SUMF1: variants seen among roughly 807,000 people sequenced by gnomAD.
The protein encoded by SUMF1 is formylglycine-generating enzyme.
SUMF1 carries 48 observed loss-of-function variants against 47.6 expected under a neutral mutation model. That is an observed-to-expected ratio of 1.01 (90% CI 0.80 to 1.28). The LOEUF (loss-of-function observed/expected upper bound fraction) is 1.28, where lower values mean the gene tolerates loss of function less well. Among genes scored for constraint, SUMF1 ranks in the 50% most tolerant of loss-of-function variants. The pLI, the probability that SUMF1 is intolerant of heterozygous loss-of-function variation, is 0.00. For missense variants in SUMF1, 571 were observed against 485.4 expected (o/e 1.18, Z -1.66); for synonymous variants, 230 against 192.1 (o/e 1.20, Z -1.63).
chr3:4,216,042 T>G (rs1407859315), intron 8 of SUMF1, among the ~76,000 whole-genome samples: 1 of 152,140 alleles, frequency 6.6e-6, no homozygotes, highest in Non-Finnish European at 1.5e-5. Context: ...AAAAACTACC[T>G]TAAACTTCAT....
At chr3:4,065,293 TC>T (rs1695350846) in intron 9 of SUMF1, among the ~76,000 whole-genome samples, 1 of 152,092 alleles carries the variant, frequency 6.6e-6, no homozygotes, top group Non-Finnish European at 1.5e-5. Context: ...TACCTATGCT[TC>T]ACTGGGCTAG....
intron 1 of SUMF1, among the ~76,000 whole-genome samples, chr3:4,462,837 G>T (rs1035948114): frequency 6.6e-6 from 1 of 152,164 alleles, no homozygotes; most frequent in African/African-American, 2.4e-5. Flanking sequence ...TCACCCTCCT[G>T]CCTCTACAGA....
rs188080825 is a variant in SUMF1 at position 4,345,282 on chromosome 3, C to G, written c.1014+31048G>C. Among the ~76,000 whole-genome samples the G allele has an allele frequency of 4.8e-3, 733 of 152,218 alleles. 7 individuals are homozygous for G. Among genetic ancestry groups the G allele is most frequent in the African/African-American group, 0.017 (707 of 41,532 alleles). On this transcript the variant is annotated intron_variant and NMD_transcript_variant, in intron 8 of 12. Coordinates refer to the SUMF1 transcript ENST00000448413. Reference sequence around the variant, plus strand: ...GGAAAAAATGTTAAGGGCAGCCAGACAGAAAGGTCAGGTTACCCACAAAGG... The same window carrying G: ...GGAAAAAATGTTAAGGGCAGCCAGAGAGAAAGGTCAGGTTACCCACAAAGG...
At chr3:4,462,558 A>T (rs947029588) in intron 1 of SUMF1, among the ~76,000 whole-genome samples, 3 of 152,068 alleles carry the variant, frequency 2.0e-5, no homozygotes, top group African/African-American at 7.2e-5. Flanking sequence ...TTCACTTGCT[A>T]CCGTAAGATT....
At chr3:4,318,370 C>G (rs920359295) in intron 8 of SUMF1, among the ~76,000 whole-genome samples, 1 of 152,112 alleles carries the variant, frequency 6.6e-6, no homozygotes, top group African/African-American at 2.4e-5. Context: ...TCCATAGACA[C>G]AAAGCATTTG....
chr3:4,467,037 T>G lies in SUMF1; in HGVS notation c.209A>C (p.Tyr70Ser). ...GCCCGGAGCGTTAGCCTCCCGCGAG[T>G]ATCGGTGAGCGGCTGCCGAACTGCC... ...AHGSSAAAHR[Y>S]SREANAPGPV... is the part of the protein sequence containing the mutation. Residue 70 changes from tyrosine (Y) to serine (S), a missense_variant, in exon 1 of 9, where the codon TAC becomes TCC. By Grantham distance (144) the Tyr-to-Ser change is moderately radical. Transcript: ENST00000272902. 1 of 1,578,078 alleles carries G rather than the reference T, an allele frequency of 6.3e-7. No homozygotes were observed. Among genetic ancestry groups the G allele is most frequent in the Non-Finnish European group, 8.6e-7 (1 of 1,163,372 alleles).
intron 7 of SUMF1, among the ~76,000 whole-genome samples, chr3:4,396,959 A>C (rs1701058537): frequency 6.6e-6 from 1 of 152,264 alleles, no homozygotes; most frequent in Non-Finnish European, 1.5e-5. Flanking sequence ...AGAAGCAACT[A>C]TTAAGAGAAA....
At position 4,384,745 on chromosome 3, in the gene SUMF1, C is replaced by T. The variant is rs145483532; in HGVS notation, c.955-8356G>A. Among the ~76,000 whole-genome samples, 848 of 152,136 alleles carry T rather than the reference C, an allele frequency of 5.6e-3. 2 individuals are homozygous for T. Among genetic ancestry groups the T allele is most frequent in the Middle Eastern group, 0.041 (12 of 294 alleles). ...AATATTCACCCACTGAAGGACATTT[C>T]GGCTGTTTCTAGTTTTTTTGGCTAT... On this transcript the variant is annotated intron_variant, in intron 7 of 8. Transcript: ENST00000272902.
At chr3:4,103,958 G>A (rs962514493) in intron 8 of SUMF1, among the ~76,000 whole-genome samples, 3 of 152,106 alleles carry the variant, frequency 2.0e-5, no homozygotes, top group African/African-American at 7.2e-5. Flanking sequence ...AATTTTCTGT[G>A]GTTAACCTAA....
chr3:4,302,542 G>A (rs1422005515), intron 8 of SUMF1, among the ~76,000 whole-genome samples: 1 of 152,062 alleles, frequency 6.6e-6, no homozygotes, highest in Non-Finnish European at 1.5e-5. Context: ...GATGCTGGCT[G>A]GCTTTTCCTG....
intron 8 of SUMF1, chr3:4,303,814 A>AG: frequency 7.2e-7 from 1 of 1,381,762 alleles, no homozygotes; most frequent in Non-Finnish European, 9.6e-7. Flanking sequence ...TCAGAACTCA[A>AG]GGAGGCATCA....
chr3:4,047,423 TGCTTACAGGAGACTG>T (rs1328118883), intron 9 of SUMF1, among the ~76,000 whole-genome samples: 1 of 152,150 alleles, frequency 6.6e-6, no homozygotes, highest in Non-Finnish European at 1.5e-5. Context: ...TGGGATTCGG[TGCTTACAGGAGACTG>T]GCTCTTCACA....
intron 8 of SUMF1, among the ~76,000 whole-genome samples, chr3:4,237,235 T>C (rs1485886467): frequency 2.0e-5 from 3 of 152,146 alleles, no homozygotes; most frequent in African/African-American, 7.2e-5. Flanking sequence ...TGTACCATTT[T>C]GCATTTCTAC....
chr3:4,187,385 T>A (rs975415803), intron 8 of SUMF1, among the ~76,000 whole-genome samples: 2 of 151,968 alleles, frequency 1.3e-5, no homozygotes. Context: ...AAAGAAAAAA[T>A]TAGAGACAAG....
At chr3:4,139,591 C>T (rs903456141) in intron 8 of SUMF1, among the ~76,000 whole-genome samples, 8 of 122,938 alleles carry the variant, frequency 6.5e-5, no homozygotes, top group Admixed American at 4.1e-4. Flanking sequence ...TATATATATA[C>T]ACACACACAC....
At chr3:4,166,286 G>A (rs1395559541) in intron 8 of SUMF1, among the ~76,000 whole-genome samples, 2 of 152,126 alleles carry the variant, frequency 1.3e-5, no homozygotes, top group Non-Finnish European at 2.9e-5. Context: ...ACCATACCAT[G>A]AGGGAGGGAA....
At chr3:4,060,063 T>C (rs1171693364) in intron 9 of SUMF1, among the ~76,000 whole-genome samples, 1 of 152,288 alleles carries the variant, frequency 6.6e-6, no homozygotes, top group Middle Eastern at 3.4e-3. Flanking sequence ...TAGGTTATTA[T>C]AAATGCAGAA....
At chr3:4,418,843 GA>G (rs1225318999) in intron 4 of SUMF1, among the ~76,000 whole-genome samples, 11 of 151,932 alleles carry the variant, frequency 7.2e-5, no homozygotes, top group East Asian at 1.9e-4. Flanking sequence ...GAAGTTTGGG[GA>G]AAAAAAACTG....
At chr3:4,430,622 ATCT>A (rs765411636) in intron 3 of SUMF1, among the ~76,000 whole-genome samples, 1 of 152,038 alleles carries the variant, frequency 6.6e-6, no homozygotes, top group Non-Finnish European at 1.5e-5. Context: ...CTTGGTGAGC[ATCT>A]TCTCTATGCC....
Sources: allele counts gnomAD v4.1 joint callset (sites outside exome capture counted in the v4.1 genomes callset), GRCh38; gene constraint gnomAD v4.1.1; transcripts MANE v1.5; gene names NCBI Gene and HGNC (gene_info 2026-07-23, HGNC 2026-07-21).